Variants in GALNT13 observed in about 807,000 individuals in gnomAD.
GALNT13 encodes the protein UDP-GalNAc:polypeptide N-acetylgalactosaminyltransferase 13.
GALNT13 carries 28 observed loss-of-function variants against 64.2 expected under a neutral mutation model. The observed-to-expected ratio is 0.44, with a 90% CI of 0.32 to 0.60. The LOEUF (loss-of-function observed/expected upper bound fraction) is 0.60. GALNT13 is among the 20% of genes least tolerant of loss of function. The probability of loss-of-function intolerance (pLI) is 0.05; values close to 1 mark genes in which losing one functional copy is unlikely to be tolerated. For synonymous variants in GALNT13, 214 were observed against 224.6 expected (o/e 0.95, Z 0.42); for missense variants, 577 against 669.8 (o/e 0.86, Z 1.53).
the GALNT13 span, among the ~76,000 whole-genome samples, chr2:153,499,855 C>T: frequency 5.3e-3 from 800 of 152,268 alleles, 5 homozygotes; most frequent in Middle Eastern, 0.01. Context: ...GCTTCCCAGT[C>T]CCCTGAGAGT....
At chr2:153,152,909 T>C in the GALNT13 span, among the ~76,000 whole-genome samples, 2 of 152,146 alleles carry the variant, frequency 1.3e-5, no homozygotes, top group African/African-American at 4.8e-5. Flanking sequence ...TTTATATTCC[T>C]TTAGGTATAT....
At chr2:154,061,187 G>C (rs993698981) in intron 3 of GALNT13, among the ~76,000 whole-genome samples, 14 of 152,096 alleles carry the variant, frequency 9.2e-5, no homozygotes, top group African/African-American at 3.4e-4. Context: ...TATATGCTCT[G>C]TGTCTCTTTT....
the GALNT13 span, among the ~76,000 whole-genome samples, chr2:153,306,807 G>A: frequency 3.3e-5 from 5 of 152,254 alleles, no homozygotes; most frequent in African/African-American, 4.8e-5. Flanking sequence ...AGGCTAGAGC[G>A]CAGTGGCGTG....
At chr2:153,837,410 C>A in the GALNT13 span, among the ~76,000 whole-genome samples, 1 of 151,894 alleles carries the variant, frequency 6.6e-6, no homozygotes, top group African/African-American at 2.4e-5. Flanking sequence ...GGATATTAGC[C>A]CTTTGTCAGA....
chr2:153,217,893 C>T, the GALNT13 span, among the ~76,000 whole-genome samples: 1 of 151,970 alleles, frequency 6.6e-6, no homozygotes, highest in African/African-American at 2.4e-5. Context: ...GCTTCATTTT[C>T]ATTTTTATTA....
intron 4 of GALNT13, among the ~76,000 whole-genome samples, chr2:154,152,043 T>C (rs1684065022): frequency 6.6e-6 from 1 of 152,216 alleles, no homozygotes; most frequent in African/African-American, 2.4e-5. Context: ...CTTTACAATT[T>C]GGCATGTTTT....
chr2:154,259,904 C>T (rs1338546629), intron 8 of GALNT13, among the ~76,000 whole-genome samples: 1 of 151,788 alleles, frequency 6.6e-6, no homozygotes, highest in African/African-American at 2.4e-5. Flanking sequence ...TTTTTTGAGA[C>T]AGAATTTCCA....
At chr2:154,281,229 C>T (rs1048816087) in intron 8 of GALNT13, among the ~76,000 whole-genome samples, 5 of 152,062 alleles carry the variant, frequency 3.3e-5, no homozygotes, top group Admixed American at 3.3e-4. Flanking sequence ...TAAGCAGAAC[C>T]ATCTTATATT....
the GALNT13 span, among the ~76,000 whole-genome samples, chr2:153,805,667 G>A: frequency 1.3e-3 from 195 of 152,104 alleles, no homozygotes; most frequent in African/African-American, 4.6e-3. Flanking sequence ...GGGATTATAG[G>A]AATAATATAT....
At chr2:153,243,690 T>C in the GALNT13 span, among the ~76,000 whole-genome samples, 1 of 151,812 alleles carries the variant, frequency 6.6e-6, no homozygotes, top group Non-Finnish European at 1.5e-5. Context: ...AGTTGAAGGT[T>C]TAGGCAAGGC....
the GALNT13 span, among the ~76,000 whole-genome samples, chr2:153,273,148 G>A: frequency 4.5e-3 from 692 of 152,288 alleles, 5 homozygotes; most frequent in African/African-American, 0.016. Flanking sequence ...GGGCTAGGGA[G>A]GGATAGCATT....
the GALNT13 span, among the ~76,000 whole-genome samples, chr2:153,725,458 A>T: frequency 0.22 from 32,750 of 148,710 alleles, 4,676 homozygotes; most frequent in Middle Eastern, 0.41. Flanking sequence ...AAGTATAATT[A>T]AAAAAAAATA....
intron 9 of GALNT13, among the ~76,000 whole-genome samples, chr2:154,303,380 T>TGGC (rs1693554882): frequency 6.6e-6 from 1 of 151,938 alleles, no homozygotes; most frequent in African/African-American, 2.4e-5. Context: ...ATTATGCAAA[T>TGGC]AGACTTTCCA....
At chr2:154,297,806 T>C (rs1353949138) in intron 8 of GALNT13, among the ~76,000 whole-genome samples, 1 of 152,232 alleles carries the variant, frequency 6.6e-6, no homozygotes, top group Non-Finnish European at 1.5e-5. Flanking sequence ...TTTAGTTATT[T>C]ATTTTACTTT....
intron 4 of GALNT13, among the ~76,000 whole-genome samples, chr2:154,214,307 T>A (rs1687929750): frequency 6.6e-6 from 1 of 152,222 alleles, no homozygotes. Context: ...TCCATCTCCT[T>A]GGTTTCCACC....
At chr2:153,671,440 C>G in the GALNT13 span, among the ~76,000 whole-genome samples, 1 of 152,118 alleles carries the variant, frequency 6.6e-6, no homozygotes, top group African/African-American at 2.4e-5. Flanking sequence ...AATTTCAGAT[C>G]CAGCCAAAAT....
Position 153,990,304 on chromosome 2 carries a change from G to A in GALNT13, c.142+45665G>A, listed in dbSNP as rs561511942. Among the ~76,000 whole-genome samples, 22 of 152,138 alleles carry A rather than the reference G, an allele frequency of 1.4e-4. No individual in the cohort carries two copies. In the South Asian group the frequency reaches 3.9e-3, roughly 27 times the overall value. On this transcript the variant is annotated intron_variant, in intron 3 of 12. Coordinates refer to ENST00000392825, the MANE Select transcript of GALNT13 (RefSeq NM_052917.4). ...GATGTAAGAAAGGTGACAAGTTGTC[G>A]CAGAAGACCAACAGAGAAGATATAT...
the GALNT13 span, among the ~76,000 whole-genome samples, chr2:153,217,502 GTTTTA>G: frequency 3.3e-5 from 5 of 152,076 alleles, no homozygotes; most frequent in African/African-American, 1.2e-4. Flanking sequence ...CCTGGATGCT[GTTTTA>G]TTTTATTTAT....
the GALNT13 span, among the ~76,000 whole-genome samples, chr2:153,519,188 A>G: frequency 1.3e-5 from 2 of 152,126 alleles, 1 homozygote; most frequent in African/African-American, 4.8e-5. Flanking sequence ...TAAACTGTAA[A>G]ATCGATATTT....
Sources: gnomAD v4.1 joint callset for allele counts (sites outside exome capture counted in the v4.1 genomes callset) on GRCh38, gnomAD v4.1.1 for gene constraint, MANE v1.5 for transcripts, NCBI Gene and HGNC (gene_info 2026-07-23, HGNC 2026-07-21) for gene names.